Variants in CACNA2D3 observed in about 807,000 individuals in gnomAD.
CACNA2D3 encodes voltage-dependent calcium channel subunit alpha-2/delta-3.
In CACNA2D3, 60 loss-of-function variants were observed where a neutral mutation model predicts 160.6. The ratio of observed to expected loss-of-function variants is 0.37; its 90% CI spans 0.30 to 0.46. CACNA2D3 has a LOEUF of 0.46. Ranked by LOEUF, CACNA2D3 falls within the 20% of genes least tolerant of loss-of-function variation. The pLI is 1.00. For synonymous variants in CACNA2D3, 558 were observed against 492.9 expected, an observed-to-expected ratio of 1.13 and a Z score of -1.75; for missense variants, 1,205 against 1,365.0, an observed-to-expected ratio of 0.88 and a Z score of 1.85.
intron 4 of CACNA2D3, among the ~76,000 whole-genome samples, chr3:54,492,550 G>A (rs1365392292): frequency 1.3e-5 from 2 of 152,336 alleles, no homozygotes; most frequent in East Asian, 1.9e-4. Context: ...AGGCAATTTT[G>A]TGGAGTGCAG....
At chr3:54,217,819 G>A (rs1228754195) in intron 2 of CACNA2D3, among the ~76,000 whole-genome samples, 1 of 152,076 alleles carries the variant, frequency 6.6e-6, no homozygotes, top group Non-Finnish European at 1.5e-5. Context: ...GTTTGTGGTA[G>A]TTTGTTACAG....
In CACNA2D3 at chr3:54,646,848, A is replaced by G. The variant is rs983509166; in HGVS notation, c.1167+4607A>G. Among the ~76,000 whole-genome samples, 74 of 152,242 alleles carry G rather than the reference A, an allele frequency of 4.9e-4. 1 individual carries two copies. The highest frequency in any genetic ancestry group is 1.7e-3 in the African/African-American group (69 of 41,540). Reference sequence around the variant, plus strand: ...AGGAATAACCACACGGTCTTCCACAATGGTTGAACTAATTTACACTCCTGG... The same window carrying G: ...AGGAATAACCACACGGTCTTCCACAGTGGTTGAACTAATTTACACTCCTGG... On this transcript the variant is annotated intron_variant, in intron 11 of 37. Transcript: ENST00000474759.
rs576236379 is a variant in CACNA2D3, at chr3:54,874,188, T to C, written c.1710+2566T>C. Reference sequence around the variant, plus strand: ...TACAATGTATATAAAATAGACTGGCTAAAATTAAAAGAAAAAAAGACAACA... The same window carrying C: ...TACAATGTATATAAAATAGACTGGCCAAAATTAAAAGAAAAAAAGACAACA... On this transcript the variant is annotated intron_variant, in intron 18 of 37. Coordinates refer to ENST00000474759, the MANE Select transcript of CACNA2D3 (RefSeq NM_018398.3). 1.3e-4 allele frequency among the ~76,000 whole-genome samples: 20 copies of C among 152,320 alleles called. No individual in the cohort carries two copies. In the East Asian group the frequency reaches 3.7e-3, roughly 28 times the overall value.
chr3:54,846,390 C>T lies in CACNA2D3; in HGVS notation c.1552-3C>T. The stretch of plus-strand genomic sequence containing the variant: ...AAGGTTTCTTTCTTGCTTCCTCTTA[C>T]AGTTAGGGATTCACGGTTATGCCTT... On this transcript the variant is annotated splice_polypyrimidine_tract_variant and splice_region_variant and intron_variant, in intron 16 of 37. Transcript: ENST00000474759. 1 of 1,597,364 alleles carries T rather than the reference C, an allele frequency of 6.3e-7. No individual in the cohort carries two copies. Among genetic ancestry groups the T allele is most frequent in the Non-Finnish European group, 8.6e-7 (1 of 1,169,408 alleles).
chr3:54,888,654 A>G (rs548033957), intron 24 of CACNA2D3, among the ~76,000 whole-genome samples: 1 of 152,334 alleles, frequency 6.6e-6, no homozygotes, highest in Non-Finnish European at 1.5e-5. Flanking sequence ...CATGTGTTAC[A>G]TGATTCATTT....
rs1310654892 is a variant in CACNA2D3 at position 54,705,442 on chromosome 3, A to T, written c.1168-47157A>T. 2.0e-5 allele frequency among the ~76,000 whole-genome samples: 3 copies of T among 152,204 alleles called. 1 individual carries two copies. The highest frequency in any genetic ancestry group is 4.1e-4 in the South Asian group (2 of 4,828). On this transcript the variant is annotated intron_variant, in intron 11 of 37. Transcript: ENST00000474759. ...AAAGACGTTGTCCCCAGCCCCTGGT[A>T]ACATGCCAGTGCTGCAATTGGTTCT...
At chr3:54,647,398 C>A (rs1036323832) in intron 11 of CACNA2D3, among the ~76,000 whole-genome samples, 1 of 152,136 alleles carries the variant, frequency 6.6e-6, no homozygotes, top group Non-Finnish European at 1.5e-5. Context: ...TTTATTATTT[C>A]TTGTGATTCT....
At chr3:54,339,345 G>A (rs1170595601) in intron 3 of CACNA2D3, among the ~76,000 whole-genome samples, 1 of 151,984 alleles carries the variant, frequency 6.6e-6, no homozygotes, top group African/African-American at 2.4e-5. Flanking sequence ...TCATTCCTTG[G>A]CCCTCTTGCC....
At chr3:55,006,898 T>C (rs1459109550) in intron 32 of CACNA2D3, among the ~76,000 whole-genome samples, 1 of 152,240 alleles carries the variant, frequency 6.6e-6, no homozygotes, top group East Asian at 1.9e-4. Flanking sequence ...GGATTTGGCA[T>C]GCATTTCAAT....
At chr3:54,427,301 A>G (rs1283576693) in intron 4 of CACNA2D3, among the ~76,000 whole-genome samples, 1 of 152,106 alleles carries the variant, frequency 6.6e-6, no homozygotes, top group Non-Finnish European at 1.5e-5. Flanking sequence ...TAAATTAGCA[A>G]ACATCTCGGA....
intron 12 of CACNA2D3, among the ~76,000 whole-genome samples, chr3:54,760,626 G>T (rs539524025): frequency 6.6e-6 from 1 of 152,284 alleles, no homozygotes; most frequent in South Asian, 2.1e-4. Flanking sequence ...GACTCTTGTG[G>T]ACTCTGGGTG....
intron 11 of CACNA2D3, among the ~76,000 whole-genome samples, chr3:54,652,409 G>T (rs1699787559): frequency 6.6e-6 from 1 of 152,178 alleles, no homozygotes; most frequent in African/African-American, 2.4e-5. Flanking sequence ...ACCAGCAAAT[G>T]AAAAGACCAA....
intron 8 of CACNA2D3, among the ~76,000 whole-genome samples, chr3:54,574,827 A>T (rs1702555933): frequency 6.6e-6 from 1 of 152,278 alleles, no homozygotes; most frequent in Non-Finnish European, 1.5e-5. Context: ...ACATCAATTT[A>T]AATGCCTCCT....
chr3:54,747,216 C>T (rs918785821), intron 11 of CACNA2D3, among the ~76,000 whole-genome samples: 1 of 152,150 alleles, frequency 6.6e-6, no homozygotes, highest in East Asian at 1.9e-4. Flanking sequence ...TATCCCTGGG[C>T]CTACTTTATT....
At chr3:54,327,167 T>C (rs1704136345) in intron 3 of CACNA2D3, among the ~76,000 whole-genome samples, 1 of 152,228 alleles carries the variant, frequency 6.6e-6, no homozygotes, top group Non-Finnish European at 1.5e-5. Flanking sequence ...GGGTTTCCGC[T>C]AACATACTTC....
intron 3 of CACNA2D3, among the ~76,000 whole-genome samples, chr3:54,365,852 A>G (rs1035478380): frequency 2.0e-5 from 3 of 152,094 alleles, no homozygotes; most frequent in African/African-American, 7.2e-5. Context: ...ACAGAGCGAG[A>G]CTCCATCTCA....
intron 11 of CACNA2D3, among the ~76,000 whole-genome samples, chr3:54,721,843 T>G (rs573570964): frequency 2.4e-3 from 369 of 152,204 alleles, no homozygotes; most frequent in Non-Finnish European, 3.5e-3. Flanking sequence ...TGCCTTAACA[T>G]TTTTTCCTTC....
chr3:54,469,547 C>G (rs6796049), intron 4 of CACNA2D3, among the ~76,000 whole-genome samples: 72,725 of 151,796 alleles, frequency 0.48, 18,005 homozygotes, highest in Non-Finnish European at 0.55. Context: ...AACGCCTTGA[C>G]AGCAAGGGAA....
Position 54,779,465 on chromosome 3 carries a change from A to T in CACNA2D3, c.1380+15114A>T, listed in dbSNP as rs1702491562. ...CAAATCTGGCTGTCAAGTAATGGGC[A>T]TTCAGGAAATCCTTGAAAATAATCC... On this transcript the variant is annotated intron_variant, in intron 13 of 37. Coordinates refer to ENST00000474759, the MANE Select transcript of CACNA2D3 (RefSeq NM_018398.3). 2.0e-5 allele frequency among the ~76,000 whole-genome samples: 3 copies of T among 152,346 alleles called. No individual in the cohort carries two copies. The South Asian group carries it at 6.2e-4, about 32-fold the overall frequency.
Sources: gnomAD v4.1 joint callset for allele counts (sites outside exome capture counted in the v4.1 genomes callset) on GRCh38, gnomAD v4.1.1 for gene constraint, MANE v1.5 for transcripts, NCBI Gene and HGNC (gene_info 2026-07-23, HGNC 2026-07-21) for gene names.